Variants in ETV6 observed in about 807,000 individuals in gnomAD.
ETV6 encodes transcription factor ETV6.
In ETV6, 16 loss-of-function variants were observed where a neutral mutation model predicts 51.1. The ratio of observed to expected loss-of-function variants is 0.31; its 90% confidence interval spans 0.21 to 0.48. ETV6 has a LOEUF of 0.48. ETV6 is among the 20% of genes least tolerant of loss of function. The probability of loss-of-function intolerance (pLI) is 0.99; values close to 1 mark genes in which losing one functional copy is unlikely to be tolerated. For synonymous variants in ETV6, 240 were observed against 224.1 expected, an observed-to-expected ratio of 1.07 and a Z score of -0.64; for missense variants, 458 against 594.8, an observed-to-expected ratio of 0.77 and a Z score of 2.39.
chr12:11,800,000 T>G (rs1945724543), intron 2 of ETV6, among the ~76,000 whole-genome samples: 1 of 152,208 alleles, frequency 6.6e-6, no homozygotes, highest in South Asian at 2.1e-4. Context: ...CTTTACAGCC[T>G]TCACTCAGTG....
At chr12:11,698,579 A>G (rs1222517059) in intron 1 of ETV6, among the ~76,000 whole-genome samples, 1 of 137,234 alleles carries the variant, frequency 7.3e-6, no homozygotes, top group Non-Finnish European at 1.5e-5. Context: ...CTAGACACCC[A>G]CAACATGGCA....
intron 1 of ETV6, among the ~76,000 whole-genome samples, chr12:11,663,317 G>A (rs1329016271): frequency 6.6e-6 from 1 of 152,182 alleles, no homozygotes; most frequent in East Asian, 1.9e-4. Flanking sequence ...CAGCGAGAGG[G>A]CAGCTGACAC....
chr12:11,780,783 C>T (rs910734493), intron 2 of ETV6, among the ~76,000 whole-genome samples: 15 of 152,218 alleles, frequency 9.9e-5, no homozygotes, highest in Non-Finnish European at 1.6e-4. Context: ...GGGATTCCCC[C>T]ACATGCGGTA....
rs1181774813 is a variant in ETV6 at position 11,839,293 on chromosome 12, C to T, written c.317C>T (p.Ser106Phe). 4 of 1,613,500 alleles carry T rather than the reference C, an allele frequency of 2.5e-6. No individual in the cohort carries two copies. Among genetic ancestry groups the T allele is most frequent in the Non-Finnish European group, 3.4e-6 (4 of 1,179,590 alleles). The change falls in exon 3 of 8, where the codon TCT (serine) becomes TTT (phenylalanine). Residue 106 changes from serine to phenylalanine, a missense_variant. Ser to Phe is a radical substitution (Grantham distance 155). Transcript: ENST00000396373. The part of the protein sequence containing the change: ...LLTKEDFRYR[S>F]PHSGDVLYEL... ...ACCAAAGAGGACTTTCGCTATCGAT[C>T]TCCTCATTCAGGTGAGAGTCTGGAC...
chr12:11,863,449 C>T (rs1184835512), intron 4 of ETV6, among the ~76,000 whole-genome samples: 1 of 152,172 alleles, frequency 6.6e-6, no homozygotes, highest in Non-Finnish European at 1.5e-5. Flanking sequence ...GGTTCCCTGC[C>T]AGTCCTTGGT....
At chr12:11,806,164 C>A (rs146637465) in intron 2 of ETV6, among the ~76,000 whole-genome samples, 1 of 152,178 alleles carries the variant, frequency 6.6e-6, no homozygotes, top group Non-Finnish European at 1.5e-5. Context: ...ATTGCTCTTG[C>A]GTCTGTCACA....
intron 2 of ETV6, chr12:11,768,950 C>T (rs1229097035): frequency 4.1e-6 from 2 of 485,674 alleles, no homozygotes; most frequent in Non-Finnish European, 8.3e-6. Context: ...GAAGAAAATT[C>T]AAATCTTGTT....
At chr12:11,680,478 A>G (rs929572801) in intron 1 of ETV6, among the ~76,000 whole-genome samples, 2 of 152,158 alleles carry the variant, frequency 1.3e-5, no homozygotes, top group African/African-American at 4.8e-5. Flanking sequence ...TCCATACTAC[A>G]TGTTCAGCTA....
intron 1 of ETV6, among the ~76,000 whole-genome samples, chr12:11,652,206 C>A (rs79971199): frequency 1.3e-5 from 2 of 152,074 alleles, no homozygotes; most frequent in African/African-American, 4.8e-5. Context: ...TATTTTGGAT[C>A]GTTCTTTATG....
chr12:11,841,476 T>C (rs1946389989), intron 3 of ETV6, among the ~76,000 whole-genome samples: 1 of 152,038 alleles, frequency 6.6e-6, no homozygotes, highest in Non-Finnish European at 1.5e-5. Context: ...CCAAGTATAT[T>C]TGGGTGATGG....
At chr12:11,856,076 G>C (rs1268200553) in intron 4 of ETV6, among the ~76,000 whole-genome samples, 1 of 152,050 alleles carries the variant, frequency 6.6e-6, no homozygotes, top group Non-Finnish European at 1.5e-5. Context: ...GGAGGCTTAT[G>C]GTCTCTCCTC....
At chr12:11,750,836 C>T (rs745940330) in intron 1 of ETV6, 2 of 430,614 alleles carry the variant, frequency 4.6e-6, no homozygotes, top group Non-Finnish European at 8.8e-6. Context: ...CATCCCAAAC[C>T]AAACACCAAA....
intron 4 of ETV6, among the ~76,000 whole-genome samples, chr12:11,863,479 C>G (rs567747906): frequency 6.6e-6 from 1 of 152,312 alleles, no homozygotes; most frequent in South Asian, 2.1e-4. Context: ...TCCCTTCCTT[C>G]TGTGCCCACA....
At chr12:11,844,851 TA>T (rs1301007161) in intron 3 of ETV6, among the ~76,000 whole-genome samples, 92 of 151,872 alleles carry the variant, frequency 6.1e-4, no homozygotes, top group Non-Finnish European at 1.2e-3. Context: ...TTTTTTTTTT[TA>T]GATGGATTCT....
chr12:11,699,952 G>A (rs960312727), intron 1 of ETV6, among the ~76,000 whole-genome samples: 1 of 152,132 alleles, frequency 6.6e-6, no homozygotes, highest in Non-Finnish European at 1.5e-5. Flanking sequence ...TACTGTTGTT[G>A]TTTCTCCTAC....
chr12:11,758,734 A>G (rs1284575757), intron 2 of ETV6, among the ~76,000 whole-genome samples: 2 of 152,200 alleles, frequency 1.3e-5, no homozygotes, highest in African/African-American at 2.4e-5. Context: ...CTCTCCTCAC[A>G]GCTGCCTGTG....
At chr12:11,865,348 C>T (rs935012015) in intron 4 of ETV6, among the ~76,000 whole-genome samples, 7 of 151,714 alleles carry the variant, frequency 4.6e-5, no homozygotes, top group East Asian at 1.9e-4. Context: ...AGTAGTTCCT[C>T]GGTATCATCA....
At chr12:11,867,338 A>G (rs1241492428) in intron 4 of ETV6, among the ~76,000 whole-genome samples, 2 of 152,176 alleles carry the variant, frequency 1.3e-5, no homozygotes, top group Non-Finnish European at 2.9e-5. Flanking sequence ...AAATATCAAG[A>G]TACTCCTCAT....
chr12:11,851,535 C>T (rs531104225), intron 3 of ETV6, among the ~76,000 whole-genome samples: 12 of 152,304 alleles, frequency 7.9e-5, no homozygotes, highest in African/African-American at 2.6e-4. Context: ...ATTCCGAAGC[C>T]GTTCTCAGCT....
Sources: allele counts gnomAD v4.1 joint callset (sites outside exome capture counted in the v4.1 genomes callset), GRCh38; gene constraint gnomAD v4.1.1; transcripts MANE v1.5; gene names NCBI Gene and HGNC (gene_info 2026-07-23, HGNC 2026-07-21).